Variants in RAD51B observed in about 807,000 individuals in gnomAD.
The protein encoded by RAD51B is RAD51 paralog B, also known as DNA repair protein RAD51 homolog 2.
In RAD51B, 38 loss-of-function variants were observed where a neutral mutation model predicts 42.2. The ratio of observed to expected loss-of-function variants is 0.90; its 90% confidence interval spans 0.70 to 1.18. RAD51B has a LOEUF of 1.18. Among genes scored for constraint, RAD51B ranks in the 50% most tolerant of loss-of-function variants. The probability of loss-of-function intolerance (pLI) is 0.00; values close to 1 mark genes in which losing one functional copy is unlikely to be tolerated. For missense variants in RAD51B, 373 were observed against 400.7 expected, an observed-to-expected ratio of 0.93 and a Z score of 0.59; for synonymous variants, 154 against 145.2, an observed-to-expected ratio of 1.06 and a Z score of -0.43.
intron 7 of RAD51B, 118 bp from the exon 8 acceptor site, chr14:68,291,766 G>A (rs1400277101): frequency 9.7e-6 from 7 of 720,700 alleles, no homozygotes; most frequent in Admixed American, 6.8e-5. Context: ...TGCTACCTGT[G>A]TATTTATCAG....
rs957114760 is a variant in RAD51B at position 68,077,944 on chromosome 14, A to G, written c.756+190740A>G. Among the ~76,000 whole-genome samples the G allele has an allele frequency of 3.3e-5, 5 of 152,042 alleles. 1 individual carries two copies. Among genetic ancestry groups the G allele is most frequent in the Admixed American group, 2.6e-4 (4 of 15,268 alleles). On this transcript the variant is annotated intron_variant, in intron 7 of 10. Transcript: ENST00000471583. ...GCACTCCATCCTGGGTGACAGTCAG[A>G]CTCCATCTCAAAAATATAAAAAATA...
At chr14:68,134,670 T>G (rs2077971506) in intron 7 of RAD51B, among the ~76,000 whole-genome samples, 1 of 152,194 alleles carries the variant, frequency 6.6e-6, no homozygotes, top group Non-Finnish European at 1.5e-5. Flanking sequence ...TTCTAATGAC[T>G]AATTGATGTT....
intron 7 of RAD51B, among the ~76,000 whole-genome samples, chr14:68,020,626 TTA>T (rs893102628): frequency 1.8e-4 from 28 of 152,290 alleles, no homozygotes; most frequent in African/African-American, 6.5e-4. Context: ...TTCATATTAC[TTA>T]TATATATAGA....
intron 9 of RAD51B, among the ~76,000 whole-genome samples, chr14:68,450,665 G>A (rs2140185279): frequency 6.6e-6 from 1 of 152,140 alleles, no homozygotes; most frequent in South Asian, 2.1e-4. Context: ...AAAGAGGTTA[G>A]GTTGCTTTAT....
At chr14:68,258,570 G>A (rs1365369261) in intron 7 of RAD51B, among the ~76,000 whole-genome samples, 3 of 152,006 alleles carry the variant, frequency 2.0e-5, no homozygotes, top group Non-Finnish European at 4.4e-5. Flanking sequence ...TGGTTTTTGT[G>A]TCTTAAAAAA....
At chr14:68,093,978 A>G (rs1036167961) in intron 7 of RAD51B, among the ~76,000 whole-genome samples, 3 of 151,928 alleles carry the variant, frequency 2.0e-5, no homozygotes, top group African/African-American at 7.3e-5. Flanking sequence ...GTGTAAGAAC[A>G]CTCCTGCTGC....
chr14:67,886,995 C>A, intron 6 of RAD51B, 26 bp from the exon 7 acceptor site: 1 of 1,355,216 alleles, frequency 7.4e-7, no homozygotes, highest in South Asian at 1.4e-5. Flanking sequence ...AATTTATTGA[C>A]TATTTTATAA....
chr14:68,091,373 G>A (rs2077096524), intron 7 of RAD51B, among the ~76,000 whole-genome samples: 1 of 152,110 alleles, frequency 6.6e-6, no homozygotes, highest in Non-Finnish European at 1.5e-5. Flanking sequence ...GTTGTTTCCT[G>A]ACTTTTTAAT....
intron 7 of RAD51B, among the ~76,000 whole-genome samples, chr14:68,018,632 A>G (rs1210168852): frequency 6.6e-6 from 1 of 152,216 alleles, no homozygotes; most frequent in African/African-American, 2.4e-5. Flanking sequence ...TTGTTAAACC[A>G]TTAATTTGTT....
intron 10 of RAD51B, among the ~76,000 whole-genome samples, chr14:68,550,801 G>T (rs1267553092): frequency 6.6e-6 from 1 of 152,174 alleles, no homozygotes; most frequent in Non-Finnish European, 1.5e-5. Flanking sequence ...AGGCAGGGGT[G>T]GGGGATGAGT....
chr14:68,405,067 TG>T (rs1217201407), intron 8 of RAD51B, among the ~76,000 whole-genome samples: 1 of 152,162 alleles, frequency 6.6e-6, no homozygotes, highest in African/African-American at 2.4e-5. Context: ...TAACTAACCA[TG>T]TGAACTGGAG....
chr14:68,339,313 A>G (rs1254143954), intron 8 of RAD51B: 2 of 913,658 alleles, frequency 2.2e-6, no homozygotes, highest in Non-Finnish European at 1.8e-6. Flanking sequence ...ACTTACATCC[A>G]CTTACAGAGG....
intron 7 of RAD51B, among the ~76,000 whole-genome samples, chr14:68,134,058 C>G: frequency 6.6e-6 from 1 of 152,120 alleles, no homozygotes; most frequent in East Asian, 1.9e-4. Context: ...ATCAAAATGC[C>G]TCACTGTATT....
chr14:67,912,663 G>A (rs1353981045), intron 7 of RAD51B, among the ~76,000 whole-genome samples: 2 of 151,958 alleles, frequency 1.3e-5, no homozygotes, highest in Non-Finnish European at 2.9e-5. Context: ...ACTGTGATTA[G>A]GAGGATCAGG....
chr14:68,305,368 G>A (rs2081838669), intron 8 of RAD51B, among the ~76,000 whole-genome samples: 1 of 152,182 alleles, frequency 6.6e-6, no homozygotes, highest in African/African-American at 2.4e-5. Flanking sequence ...CAAACATAAA[G>A]GCTAATTCTA....
At chr14:68,170,512 G>A (rs2078850728) in intron 7 of RAD51B, among the ~76,000 whole-genome samples, 1 of 151,988 alleles carries the variant, frequency 6.6e-6, no homozygotes, top group Non-Finnish European at 1.5e-5. Context: ...ATTTAAGAAA[G>A]CTATCATTTA....
chr14:68,600,457 AG>A (rs1208407078), downstream of RAD51B, among the ~76,000 whole-genome samples: 1 of 152,184 alleles, frequency 6.6e-6, no homozygotes, highest in Non-Finnish European at 1.5e-5. Flanking sequence ...CACAGGAGCC[AG>A]CCCTCATTAT....
chr14:67,835,325 A>T, intron 4 of RAD51B, 129 bp downstream of exon 4: 2 of 720,492 alleles, frequency 2.8e-6, no homozygotes, highest in South Asian at 1.8e-5. Flanking sequence ...TACTTCAAGG[A>T]TATGGTTCTC....
At chr14:68,432,944 G>T (rs1241568118) in intron 9 of RAD51B, among the ~76,000 whole-genome samples, 1 of 152,152 alleles carries the variant, frequency 6.6e-6, no homozygotes, top group African/African-American at 2.4e-5. Flanking sequence ...GGCAGGCCTG[G>T]TGGTGACAAA....
Sources: allele counts gnomAD v4.1 joint callset (sites outside exome capture counted in the v4.1 genomes callset), GRCh38; gene constraint gnomAD v4.1.1; transcripts MANE v1.5; gene names NCBI Gene and HGNC (gene_info 2026-07-23, HGNC 2026-07-21).